DCC: variants seen among roughly 807,000 people sequenced by gnomAD.
DCC encodes DCC netrin 1 receptor, also known as netrin receptor DCC.
A neutral mutation model predicts 172.5 loss-of-function variants in DCC; 58 were observed. The ratio of observed to expected loss-of-function variants is 0.34; its 90% CI spans 0.27 to 0.42. The LOEUF is 0.42. DCC is among the 10% of genes least tolerant of loss of function. The pLI is 1.00. For synonymous variants in DCC, 709 were observed against 644.5 expected (o/e 1.10, Z -1.52); for missense variants, 1,740 against 1,791.0 (o/e 0.97, Z 0.51).
chr18:53,492,009 T>G lies in DCC; in HGVS notation c.3898+5051T>G, dbSNP rs571832460. Among the ~76,000 whole-genome samples the G allele has an allele frequency of 5.3e-5, 8 of 152,338 alleles. No homozygotes were observed. The South Asian group carries it at 1.7e-3, about 32-fold the overall frequency. On this transcript the variant is annotated intron_variant, in intron 26 of 28. Transcript: ENST00000442544. ...ACTTTTTAATGATAGCTATTCTAAC[T>G]GGCCTGAGATGGTATCTCATTGCGG...
Position 53,527,766 on chromosome 18 carries a change from C to CTATT in DCC, c.4254+1011_4254+1014dup, listed in dbSNP as rs546288089. 5.2e-3 allele frequency among the ~76,000 whole-genome samples: 797 copies of CTATT among 151,816 alleles called. 4 individuals carry two copies. The highest frequency in any genetic ancestry group is 0.018 in the African/African-American group (755 of 41,448). On this transcript the variant is annotated intron_variant, in intron 28 of 28. Transcript: ENST00000442544. Reference sequence around the variant, plus strand: ...TCAAAAAGACATTGCCTAAAGGCAGCTATTTATAGTACACTTTAGTTGTTT... The same window carrying CTATT: ...TCAAAAAGACATTGCCTAAAGGCAGCTATTTATTTATAGTACACTTTAGTTGTTT...
chr18:52,419,480 C>A (rs1987170885), intron 1 of DCC: 1 of 152,112 alleles, frequency 6.6e-6, no homozygotes, highest in Admixed American at 6.5e-5. Flanking sequence ...AGAGTACGAC[C>A]AAGGAATTGG....
At position 53,416,123 on chromosome 18, in the gene DCC, G is replaced by A. The variant is rs748619034; in HGVS notation, c.3131-1G>A. Reference sequence around the variant, plus strand: ...TAATGTTATTTCTTTTTCCCCCGCAGTGGAACACCCTGACAAAATGGCTAA... The same window carrying A: ...TAATGTTATTTCTTTTTCCCCCGCAATGGAACACCCTGACAAAATGGCTAA... On this transcript the variant is annotated splice_acceptor_variant, in intron 20 of 28. Coordinates refer to ENST00000442544, the MANE Select transcript of DCC (RefSeq NM_005215.4). LOFTEE classifies it high-confidence loss of function. 1 of 1,609,402 alleles carries A rather than the reference G, an allele frequency of 6.2e-7. No homozygotes were observed. Among genetic ancestry groups the A allele is most frequent in the South Asian group, 1.1e-5 (1 of 90,964 alleles).
intron 20 of DCC, among the ~76,000 whole-genome samples, chr18:53,414,189 A>G (rs1234768470): frequency 6.6e-6 from 1 of 152,194 alleles, no homozygotes; most frequent in Non-Finnish European, 1.5e-5. Context: ...AAACTTATTT[A>G]AAGCTTTCAG....
intron 26 of DCC, 37 bp downstream of exon 26, chr18:53,486,995 G>T: frequency 3.7e-6 from 6 of 1,612,972 alleles, no homozygotes; most frequent in Non-Finnish European, 5.1e-6. Context: ...AAGCACAAAT[G>T]AATAATAGCA....
At chr18:52,994,900 G>A (rs2041454110) in intron 5 of DCC, among the ~76,000 whole-genome samples, 1 of 152,030 alleles carries the variant, frequency 6.6e-6, no homozygotes, top group Non-Finnish European at 1.5e-5. Flanking sequence ...CTCTAAATTT[G>A]TCATTTATTC....
chr18:53,046,526 T>A (rs1232393358), intron 5 of DCC, among the ~76,000 whole-genome samples: 1 of 150,488 alleles, frequency 6.6e-6, no homozygotes, highest in Non-Finnish European at 1.5e-5. Flanking sequence ...CAGCAGAAAA[T>A]GTTCTGATAG....
chr18:52,731,712 C>A (rs1165825356), intron 1 of DCC, among the ~76,000 whole-genome samples: 3 of 151,616 alleles, frequency 2.0e-5, no homozygotes, highest in Non-Finnish European at 4.4e-5. Flanking sequence ...CACAGATCTA[C>A]CACAATTATA....
At chr18:52,573,558 T>C (rs1478657943) in intron 1 of DCC, among the ~76,000 whole-genome samples, 2 of 152,238 alleles carry the variant, frequency 1.3e-5, no homozygotes, top group African/African-American at 4.8e-5. Flanking sequence ...TTAGTGTTCT[T>C]AGAATTTCAT....
intron 7 of DCC, among the ~76,000 whole-genome samples, chr18:53,089,842 A>G (rs544519879): frequency 1.3e-5 from 2 of 152,274 alleles, no homozygotes; most frequent in South Asian, 2.1e-4. Context: ...GTTTAAAATC[A>G]TTTTTATGTC....
chr18:52,552,262 G>C (rs1285121696), intron 1 of DCC, among the ~76,000 whole-genome samples: 2 of 151,998 alleles, frequency 1.3e-5, no homozygotes. Flanking sequence ...AATGACCAGA[G>C]AAAGCATAGG....
At chr18:53,434,189 G>C (rs549329163) in intron 21 of DCC, among the ~76,000 whole-genome samples, 98 of 152,214 alleles carry the variant, frequency 6.4e-4, no homozygotes, top group Admixed American at 1.4e-3. Context: ...GAGTGTCCTG[G>C]TTGGCTTTCT....
intron 1 of DCC, among the ~76,000 whole-genome samples, chr18:52,433,678 G>A (rs1280783572): frequency 6.6e-6 from 1 of 152,174 alleles, no homozygotes; most frequent in Non-Finnish European, 1.5e-5. Flanking sequence ...TATACATCAA[G>A]AGGTTATTGG....
intron 1 of DCC, among the ~76,000 whole-genome samples, chr18:52,741,157 G>A (rs190013567): frequency 3.7e-4 from 57 of 152,210 alleles, no homozygotes; most frequent in African/African-American, 1.3e-3. Context: ...GAGTCTTCTG[G>A]GGCTCTTTTC....
chr18:52,607,672 C>T (rs901146084), intron 1 of DCC, among the ~76,000 whole-genome samples: 8 of 151,972 alleles, frequency 5.3e-5, no homozygotes, highest in Non-Finnish European at 1.0e-4. Context: ...CTTCATTTTG[C>T]GTGGTATCAT....
At chr18:53,262,514 T>C (rs191782984) in intron 12 of DCC, among the ~76,000 whole-genome samples, 18 of 152,350 alleles carry the variant, frequency 1.2e-4, no homozygotes, top group African/African-American at 4.3e-4. Flanking sequence ...TCAGAAGAGA[T>C]AATGTTTGCT....
chr18:52,844,774 G>T (rs1433059726), intron 2 of DCC, among the ~76,000 whole-genome samples: 2 of 149,266 alleles, frequency 1.3e-5, no homozygotes, highest in East Asian at 3.9e-4. Context: ...GACCAGTCTT[G>T]TGAACTTAGA....
At chr18:53,180,463 G>T (rs781767430) in intron 9 of DCC, among the ~76,000 whole-genome samples, 2 of 152,010 alleles carry the variant, frequency 1.3e-5, no homozygotes, top group African/African-American at 2.4e-5. Flanking sequence ...AAAACACAGG[G>T]GCACATTGTT....
intron 1 of DCC, among the ~76,000 whole-genome samples, chr18:52,702,055 A>G (rs2036134446): frequency 6.6e-6 from 1 of 152,218 alleles, no homozygotes; most frequent in Admixed American, 6.5e-5. Flanking sequence ...GTAATGGCAC[A>G]GGGATCCACC....
Sources: allele counts gnomAD v4.1 joint callset (sites outside exome capture counted in the v4.1 genomes callset), GRCh38; gene constraint gnomAD v4.1.1; transcripts MANE v1.5; gene names NCBI Gene and HGNC (gene_info 2026-07-23, HGNC 2026-07-21).